Variants in RPS6KA6 observed in about 807,000 individuals in gnomAD.
RPS6KA6 encodes the protein ribosomal protein S6 kinase alpha-6.
Under a neutral mutation model 65.4 loss-of-function variants are expected in RPS6KA6, and 27 were observed. That is an observed-to-expected ratio of 0.41 (90% CI 0.30 to 0.57). The LOEUF is 0.57. Ranked by LOEUF, RPS6KA6 falls within the 20% of genes least tolerant of loss-of-function variation. The pLI is 0.24. For synonymous variants in RPS6KA6, 190 were observed against 184.2 expected (o/e 1.03, Z -0.26); for missense variants, 486 against 555.6 (o/e 0.87, Z 1.26).
At chrX:84,117,014 C>T in intron 11 of RPS6KA6, 46 bp downstream of exon 11, 1 of 817,083 alleles carries the variant, frequency 1.2e-6, no homozygotes, top group Non-Finnish European at 1.8e-6. Flanking sequence ...ATTATCCTCC[C>T]AAAACATGCA....
At chrX:84,162,196 C>A (rs930752649) in intron 2 of RPS6KA6, among the ~76,000 whole-genome samples, 1 of 109,653 alleles carries the variant, frequency 9.1e-6, no homozygotes. Flanking sequence ...CATCACAGAG[C>A]AGTCTCTACA....
At chrX:84,135,069 A>G in intron 7 of RPS6KA6, 35 bp downstream of exon 7, 2 of 1,019,710 alleles carry the variant, frequency 2.0e-6, no homozygotes, top group Non-Finnish European at 2.7e-6. Flanking sequence ...TTCCAGAAAT[A>G]CAGACAACAT....
intron 8 of RPS6KA6, among the ~76,000 whole-genome samples, chrX:84,122,506 G>A (rs2034697098): frequency 2.8e-5 from 3 of 106,295 alleles, no homozygotes; most frequent in South Asian, 4.2e-4. Flanking sequence ...AATTTTTTTC[G>A]TGCTTTTAGT....
At chrX:84,095,780 A>G (rs1300104683) in intron 20 of RPS6KA6, among the ~76,000 whole-genome samples, 1 of 112,015 alleles carries the variant, frequency 8.9e-6, no homozygotes, top group Non-Finnish European at 1.9e-5. Flanking sequence ...CCACAGATAC[A>G]TAGTCCATTC....
chrX:84,120,789 T>C (rs2034658157), intron 8 of RPS6KA6, among the ~76,000 whole-genome samples: 1 of 111,851 alleles, frequency 8.9e-6, no homozygotes, highest in South Asian at 3.7e-4. Flanking sequence ...AAAATTTCTT[T>C]TGTAGAAATC....
intron 6 of RPS6KA6, among the ~76,000 whole-genome samples, chrX:84,140,930 G>C (rs1034788302): frequency 6.4e-5 from 7 of 109,101 alleles, no homozygotes; most frequent in East Asian, 2.9e-4. Context: ...AAGAGTCTTT[G>C]TTAGAGTATA....
At chrX:84,160,851 T>C (rs768171706) in intron 2 of RPS6KA6, among the ~76,000 whole-genome samples, 116 of 111,402 alleles carry the variant, frequency 1.0e-3, no homozygotes, top group Non-Finnish European at 1.9e-3. Context: ...CAAAATGCCA[T>C]GAGGGTGAAC....
intron 20 of RPS6KA6, among the ~76,000 whole-genome samples, chrX:84,070,952 T>G (rs2033530451): frequency 9.0e-6 from 1 of 111,419 alleles, no homozygotes; most frequent in South Asian, 3.8e-4. Flanking sequence ...TGTCAACAGT[T>G]TTCAGGATAT....
At chrX:84,165,198 G>A (rs952544179) in intron 1 of RPS6KA6, among the ~76,000 whole-genome samples, 1 of 109,777 alleles carries the variant, frequency 9.1e-6, no homozygotes, top group Non-Finnish European at 1.9e-5. Flanking sequence ...ACTGAACTAA[G>A]ATGTTTGAAA....
At chrX:84,177,620 C>T (rs2035791443) in intron 1 of RPS6KA6, among the ~76,000 whole-genome samples, 1 of 111,795 alleles carries the variant, frequency 8.9e-6, no homozygotes, top group Non-Finnish European at 1.9e-5. Context: ...ATTCTCAATA[C>T]AAACCCAACC....
In RPS6KA6 at chrX:84,122,416, C is replaced by T. The variant is rs775543713; in HGVS notation, c.647-2389G>A. On this transcript the variant is annotated intron_variant, in intron 8 of 21. Transcript: ENST00000262752. ...ACAGAGTCTTGCTCACTGCAACCTC[C>T]GCCTCTCGGGTTCAAGTGATTCTCC... 1.7e-4 allele frequency among the ~76,000 whole-genome samples: 16 copies of T among 94,343 alleles called. No homozygotes were observed. In the Admixed American group the frequency reaches 1.9e-3, roughly 11 times the overall value. The allele number at this position is 94,343 out of a possible 115,157, so 81.9% of individuals were successfully genotyped here.
At position 84,104,470 on chromosome X, in the gene RPS6KA6, T is replaced by C. The variant is rs200683409; in HGVS notation, c.1614+29A>G. ...TTTCATGAAGATATAGGTCCCAGAA[T>C]AGAAAGAAAAAAGTTAACTACAACT... On this transcript the variant is annotated intron_variant, in intron 17 of 21. Coordinates refer to ENST00000262752, the MANE Select transcript of RPS6KA6 (RefSeq NM_014496.5). 6.8e-6 allele frequency: 7 copies of C among 1,033,318 alleles called. No homozygotes were observed. The Admixed American group carries it at 1.3e-4, about 20-fold the overall frequency. The allele number at this position is 1,033,318 out of a possible 1,213,427, so 85.2% of individuals were successfully genotyped here.
At chrX:84,141,094 T>C (rs1404847081) in intron 6 of RPS6KA6, among the ~76,000 whole-genome samples, 1 of 111,426 alleles carries the variant, frequency 9.0e-6, no homozygotes, top group Non-Finnish European at 1.9e-5. Context: ...ACTATTTATA[T>C]GAAAATAAAG....
At chrX:84,150,917 T>A (rs1342825381) in intron 3 of RPS6KA6, among the ~76,000 whole-genome samples, 1 of 91,320 alleles carries the variant, frequency 1.1e-5, no homozygotes, top group Non-Finnish European at 2.1e-5. Flanking sequence ...ATAGAGAGGA[T>A]ATATATAGGA....
intron 18 of RPS6KA6, 43 bp downstream of exon 18, chrX:84,101,994 A>T: frequency 4.6e-6 from 5 of 1,082,501 alleles, no homozygotes; most frequent in African/African-American, 1.9e-5. Context: ...ATTCAACTAA[A>T]GGAAAAGAAT....
chrX:84,166,817 G>A (rs1173336688), intron 1 of RPS6KA6, among the ~76,000 whole-genome samples: 2 of 111,479 alleles, frequency 1.8e-5, no homozygotes, highest in African/African-American at 3.3e-5. Context: ...TTGATGTGAT[G>A]AAGAACTTTT....
At chrX:84,099,577 G>C (rs2034221286) in intron 18 of RPS6KA6, among the ~76,000 whole-genome samples, 1 of 111,027 alleles carries the variant, frequency 9.0e-6, no homozygotes, top group Non-Finnish European at 1.9e-5. Context: ...GAGCAAAGGA[G>C]AGTTAACTTC....
intron 3 of RPS6KA6, among the ~76,000 whole-genome samples, chrX:84,154,833 A>G (rs1457994791): frequency 3.6e-5 from 4 of 111,524 alleles, no homozygotes; most frequent in Non-Finnish European, 7.5e-5. Flanking sequence ...GTTTCTTTAT[A>G]TTTCACGTTA....
rs1158629766 is a variant in RPS6KA6 at position 84,123,506 on chromosome X, A to G, written c.647-3479T>C. ...GGCAGCATTCACCACTTGTTGACTGAAGAGCCACTGGGCTTTAAGTGAACA... is the reference window on the plus strand; with the variant it reads ...GGCAGCATTCACCACTTGTTGACTGGAGAGCCACTGGGCTTTAAGTGAACA... On this transcript the variant is annotated intron_variant, in intron 8 of 21. Transcript: ENST00000262752. 3.6e-5 allele frequency among the ~76,000 whole-genome samples: 4 copies of G among 112,369 alleles called. 1 individual carries two copies. In the Admixed American group the frequency reaches 3.7e-4, roughly 11 times the overall value.
Sources: allele counts gnomAD v4.1 joint callset (sites outside exome capture counted in the v4.1 genomes callset), GRCh38; gene constraint gnomAD v4.1.1; transcripts MANE v1.5; gene names NCBI Gene and HGNC (gene_info 2026-07-23, HGNC 2026-07-21).